The following CYTH1 variants were observed in gnomAD, a reference collection of about 807,000 sequenced individuals.
The protein encoded by CYTH1 is cytohesin 1.
A neutral mutation model predicts 61.8 loss-of-function variants in CYTH1; 18 were observed. The observed-to-expected ratio is 0.29, with a 90% confidence interval of 0.20 to 0.43. The LOEUF is 0.43. Among genes scored for constraint, CYTH1 ranks in the 20% least tolerant of loss-of-function variants. The pLI, the probability that CYTH1 is intolerant of heterozygous loss-of-function variation, is 1.00. For synonymous variants in CYTH1, 174 were observed against 184.3 expected (o/e 0.94, Z 0.45); for missense variants, 336 against 510.5 (o/e 0.66, Z 3.29).
At chr17:78,745,075 G>A (rs2093354854) in intron 1 of CYTH1, among the ~76,000 whole-genome samples, 1 of 152,052 alleles carries the variant, frequency 6.6e-6, no homozygotes, top group Non-Finnish European at 1.5e-5. Flanking sequence ...GTACATTTTG[G>A]GGATTTTTCT....
chr17:78,773,125 G>A (rs1398496810), intron 1 of CYTH1, among the ~76,000 whole-genome samples: 3 of 152,110 alleles, frequency 2.0e-5, no homozygotes, highest in Admixed American at 2.0e-4. Flanking sequence ...GAGCCACCAT[G>A]CCCAGCCTGA....
chr17:78,744,619 T>A (rs1032893454), intron 1 of CYTH1, among the ~76,000 whole-genome samples: 2 of 152,170 alleles, frequency 1.3e-5, no homozygotes, highest in South Asian at 2.1e-4. Flanking sequence ...TGTATTGACA[T>A]AAATGCATCT....
At chr17:78,770,280 G>A (rs1222589300) in intron 1 of CYTH1, among the ~76,000 whole-genome samples, 2 of 138,772 alleles carry the variant, frequency 1.4e-5, no homozygotes, top group South Asian at 4.6e-4. Flanking sequence ...TCGAAATTGT[G>A]CCACTGCACT....
intron 11 of CYTH1, among the ~76,000 whole-genome samples, chr17:78,683,668 TC>T (rs1242114456): frequency 6.6e-6 from 1 of 152,102 alleles, no homozygotes; most frequent in Non-Finnish European, 1.5e-5. Flanking sequence ...GGGCCTAGAG[TC>T]CCTCATCCAG....
intron 13 of CYTH1, among the ~76,000 whole-genome samples, chr17:78,679,878 G>A (rs895416216): frequency 1.3e-5 from 2 of 152,188 alleles, no homozygotes; most frequent in Non-Finnish European, 1.5e-5. Context: ...GAATGAGAGC[G>A]GCTTCGTCAG....
At chr17:78,741,147 A>G (rs1292474685) in intron 1 of CYTH1, among the ~76,000 whole-genome samples, 1 of 152,252 alleles carries the variant, frequency 6.6e-6, no homozygotes, top group African/African-American at 2.4e-5. Context: ...GACATTTTAT[A>G]TTTTTAATTA....
At chr17:78,740,179 A>C (rs1278948007) in intron 1 of CYTH1, among the ~76,000 whole-genome samples, 1 of 151,806 alleles carries the variant, frequency 6.6e-6, no homozygotes, top group Non-Finnish European at 1.5e-5. Flanking sequence ...CAAATGATCC[A>C]CCCACCTTGG....
intron 1 of CYTH1, among the ~76,000 whole-genome samples, chr17:78,781,489 G>C (rs990239814): frequency 9.3e-4 from 142 of 152,272 alleles, no homozygotes; most frequent in Non-Finnish European, 3.7e-4. Context: ...GTCAGGGGAG[G>C]AGCGGCGTCC....
intron 9 of CYTH1, 60 bp downstream of exon 9, chr17:78,698,209 A>ACGCG: frequency 7.1e-7 from 1 of 1,407,496 alleles, no homozygotes; most frequent in Non-Finnish European, 1.0e-6. Context: ...ACACACGCAC[A>ACGCG]CACACCGCCT....
chr17:78,706,787 G>A (rs1296340865), intron 3 of CYTH1, among the ~76,000 whole-genome samples: 2 of 152,102 alleles, frequency 1.3e-5, no homozygotes, highest in Admixed American at 6.6e-5. Flanking sequence ...TTTCATGGTG[G>A]TTTTAAATTA....
intron 11 of CYTH1, among the ~76,000 whole-genome samples, chr17:78,689,844 G>C (rs1312913209): frequency 6.6e-6 from 1 of 152,068 alleles, no homozygotes; most frequent in Non-Finnish European, 1.5e-5. Flanking sequence ...AACAAGTCCT[G>C]TTCAGTTTGC....
At chr17:78,715,460 C>T (rs1052064733) in intron 1 of CYTH1, among the ~76,000 whole-genome samples, 1 of 152,110 alleles carries the variant, frequency 6.6e-6, no homozygotes, top group African/African-American at 2.4e-5. Flanking sequence ...CAAGCGCCAT[C>T]AACTGTGATG....
intron 7 of CYTH1, 37 bp from the exon 8 acceptor site, chr17:78,699,005 T>G: frequency 6.3e-7 from 1 of 1,599,828 alleles, no homozygotes. Flanking sequence ...AGCCGTTGCA[T>G]GCTCAGATGT....
At chr17:78,720,587 G>A (rs879779587) in intron 1 of CYTH1, among the ~76,000 whole-genome samples, 3 of 152,216 alleles carry the variant, frequency 2.0e-5, no homozygotes, top group Non-Finnish European at 2.9e-5. Context: ...CCAAAGTGCT[G>A]GAATTACAGG....
intron 1 of CYTH1, among the ~76,000 whole-genome samples, chr17:78,724,269 C>T (rs1443463900): frequency 1.3e-5 from 2 of 152,196 alleles, no homozygotes; most frequent in Non-Finnish European, 2.9e-5. Flanking sequence ...GTCCCAAAAG[C>T]ATGAACTCCA....
intron 1 of CYTH1, among the ~76,000 whole-genome samples, chr17:78,720,919 C>T (rs924999656): frequency 6.6e-6 from 1 of 152,174 alleles, no homozygotes; most frequent in African/African-American, 2.4e-5. Context: ...ACAGCATATT[C>T]TAACTTCTCT....
At chr17:78,699,020 A>G (rs1315232381) in intron 7 of CYTH1, 52 bp from the exon 8 acceptor site, 1 of 1,587,154 alleles carries the variant, frequency 6.3e-7, no homozygotes, top group Non-Finnish European at 8.6e-7. Flanking sequence ...AGATGTTCAG[A>G]AACATCCCAC....
At chr17:78,735,968 G>C (rs1407923179) in intron 1 of CYTH1, among the ~76,000 whole-genome samples, 1 of 152,154 alleles carries the variant, frequency 6.6e-6, no homozygotes, top group Non-Finnish European at 1.5e-5. Context: ...AGAAGGCACA[G>C]CTTGTCATCC....
At chr17:78,774,984 G>C (rs1356133864) in intron 1 of CYTH1, among the ~76,000 whole-genome samples, 1 of 152,198 alleles carries the variant, frequency 6.6e-6, no homozygotes, top group Non-Finnish European at 1.5e-5. Flanking sequence ...TAGAACTGCC[G>C]CAAGGCACTG....
Sources: gnomAD v4.1 joint callset for allele counts (sites outside exome capture counted in the v4.1 genomes callset) on GRCh38, gnomAD v4.1.1 for gene constraint, MANE v1.5 for transcripts, NCBI Gene and HGNC (gene_info 2026-07-23, HGNC 2026-07-21) for gene names.